The following IMPG2 variants were observed in gnomAD, a reference collection of about 807,000 sequenced individuals.
IMPG2 encodes the protein IPM 200.
In IMPG2, 91 loss-of-function variants were observed where a neutral mutation model predicts 129.2. The ratio of observed to expected loss-of-function variants is 0.70; its 90% CI spans 0.59 to 0.84. The LOEUF is 0.84. Ranked by LOEUF, IMPG2 falls within the 40% of genes least tolerant of loss-of-function variation. The pLI is 0.00. For synonymous variants in IMPG2, 510 were observed against 517.7 expected, an observed-to-expected ratio of 0.99 and a Z score of 0.20; for missense variants, 1,430 against 1,461.7, an observed-to-expected ratio of 0.98 and a Z score of 0.35.
chr3:101,300,200 T>C (rs1707125117), intron 3 of IMPG2, among the ~76,000 whole-genome samples: 6 of 152,208 alleles, frequency 3.9e-5, no homozygotes, highest in Admixed American at 3.9e-4. Flanking sequence ...ACAGCTAGTG[T>C]GTTGGACTGT....
intron 3 of IMPG2, among the ~76,000 whole-genome samples, chr3:101,300,594 G>A (rs1374566861): frequency 6.6e-6 from 1 of 152,230 alleles, no homozygotes; most frequent in African/African-American, 2.4e-5. Context: ...TTCCCAGGCT[G>A]GGTAGCAGGC....
chr3:101,296,363 C>T (rs554654499), intron 3 of IMPG2, among the ~76,000 whole-genome samples: 7 of 152,056 alleles, frequency 4.6e-5, no homozygotes, highest in Admixed American at 2.6e-4. Context: ...TGATGGATTA[C>T]GTTTATTGAT....
chr3:101,306,038 C>G (rs1005448828), intron 2 of IMPG2, among the ~76,000 whole-genome samples: 3 of 152,176 alleles, frequency 2.0e-5, no homozygotes, highest in African/African-American at 7.2e-5. Flanking sequence ...AGCCTCTGGA[C>G]TCCCACAGTC....
chr3:101,280,357 C>T (rs185923877), intron 4 of IMPG2, among the ~76,000 whole-genome samples: 1 of 152,232 alleles, frequency 6.6e-6, no homozygotes, highest in African/African-American at 2.4e-5. Context: ...TCACATGTGA[C>T]CACAAAAGAA....
intron 2 of IMPG2, among the ~76,000 whole-genome samples, chr3:101,308,083 A>G (rs1279226210): frequency 1.3e-5 from 2 of 152,226 alleles, no homozygotes; most frequent in South Asian, 2.1e-4. Flanking sequence ...GGACTCCCAC[A>G]GTCTTGGGCA....
At chr3:101,276,814 C>T (rs769811788) in intron 4 of IMPG2, 101 bp from the exon 5 acceptor site, 32 of 791,102 alleles carry the variant, frequency 4.0e-5, no homozygotes, top group Non-Finnish European at 6.2e-5. Flanking sequence ...ACTAGATCAC[C>T]AAGTAAGGGC....
intron 18 of IMPG2, 58 bp downstream of exon 18, chr3:101,228,739 C>T (rs943287016): frequency 1.5e-6 from 2 of 1,334,768 alleles, no homozygotes; most frequent in Non-Finnish European, 2.2e-6. Flanking sequence ...TGTGACATTA[C>T]TCTAGAGTAA....
intron 4 of IMPG2, among the ~76,000 whole-genome samples, chr3:101,277,783 T>C (rs1290692389): frequency 6.6e-6 from 1 of 152,226 alleles, no homozygotes; most frequent in African/African-American, 2.4e-5. Flanking sequence ...TATTTTCACA[T>C]ATCCCAAAGC....
chr3:101,278,823 A>G (rs1008934805), intron 4 of IMPG2, among the ~76,000 whole-genome samples: 5 of 152,218 alleles, frequency 3.3e-5, no homozygotes, highest in Admixed American at 6.5e-5. Context: ...GCACATTTGC[A>G]TAAAATTGCT....
chr3:101,265,180 A>C (rs747003373), intron 9 of IMPG2, among the ~76,000 whole-genome samples: 2 of 152,180 alleles, frequency 1.3e-5, no homozygotes, highest in African/African-American at 2.4e-5. Flanking sequence ...TTCTTCACAG[A>C]AATAGAAAAA....
rs1706427225 is a variant in IMPG2, at chr3:101,242,970, A to T, written c.2803-63T>A. 33 of 1,243,182 alleles carry T rather than the reference A, an allele frequency of 2.7e-5. No homozygotes were observed. In the South Asian group the frequency reaches 3.9e-4, roughly 15 times the overall value. 77.0% of individuals were successfully genotyped at this position (1,243,182 alleles called of 1,614,324 possible). ...GTCACATTTTGTTCAATACATACCC[A>T]AACAAAACAAAACAAAAACACAGGT... On this transcript the variant is annotated intron_variant, in intron 13 of 18. Coordinates refer to ENST00000193391, the MANE Select transcript of IMPG2 (RefSeq NM_016247.4).
chr3:101,231,088 A>G lies in IMPG2; in HGVS notation c.3291T>C (p.Ser1097=). The G allele has an allele frequency of 1.9e-6, 3 of 1,614,166 alleles. No homozygotes were observed. The highest frequency in any genetic ancestry group is 2.5e-6 in the Non-Finnish European group (3 of 1,180,002). The change falls in exon 16 of 19, where the codon TCT becomes TCC. Residue 1097 remains serine, a synonymous_variant. Transcript: ENST00000193391. ...TAGTGATGCCTATGATCACGGGCTCAGACACAAATTCCTCACAGTGCTTGC... is the reference window on the plus strand; with the variant it reads ...TAGTGATGCCTATGATCACGGGCTCGGACACAAATTCCTCACAGTGCTTGC... ...YRGKHCEEFV[S]EPVIIGITIA...
Position 101,257,598 on chromosome 3 carries a change from A to G in IMPG2, c.1084T>C (p.Leu362=), listed in dbSNP as rs1706624583. 1 of 1,613,296 alleles carries G rather than the reference A, an allele frequency of 6.2e-7. No individual in the cohort carries two copies. The highest frequency in any genetic ancestry group is 1.3e-5 in the African/African-American group (1 of 74,886). ...TTCCCCAGCAAAAAATTCTGCTGCA[A>G]TGTCTCAGCAATATAATCTCTGAAG... ...SNFRDYIAET[L]QQNFLLGNSS... Residue 362 remains leucine, a synonymous_variant, in exon 10 of 19, where the codon TTG becomes CTG. Coordinates refer to ENST00000193391, the MANE Select transcript of IMPG2 (RefSeq NM_016247.4).
chr3:101,275,759 C>T lies in IMPG2; in HGVS notation c.584-14G>A, dbSNP rs768155418. On this transcript the variant is annotated splice_polypyrimidine_tract_variant and intron_variant, in intron 5 of 18. Transcript: ENST00000193391. ...TGAGAGTAGTGTCTAAGAAGAAAAGCAAAAACATATGCATGAATTCAGTCC... is the reference window on the plus strand; with the variant it reads ...TGAGAGTAGTGTCTAAGAAGAAAAGTAAAAACATATGCATGAATTCAGTCC... The T allele has an allele frequency of 1.3e-6, 2 of 1,593,772 alleles. No individual in the cohort carries two copies. The highest frequency in any genetic ancestry group is 2.7e-5 in the African/African-American group (2 of 74,666).
At chr3:101,314,738 A>T (rs1429861755) in intron 2 of IMPG2, among the ~76,000 whole-genome samples, 1 of 152,194 alleles carries the variant, frequency 6.6e-6, no homozygotes, top group Non-Finnish European at 1.5e-5. Flanking sequence ...TAAATTAACA[A>T]ATGAATAAAT....
intron 11 of IMPG2, among the ~76,000 whole-genome samples, chr3:101,250,176 T>C (rs556726500): frequency 2.6e-5 from 4 of 152,310 alleles, no homozygotes; most frequent in Admixed American, 6.5e-5. Flanking sequence ...AGAGTGCTCC[T>C]ACATAACTTA....
intron 14 of IMPG2, among the ~76,000 whole-genome samples, chr3:101,239,078 G>A (rs565924174): frequency 2.6e-5 from 4 of 152,068 alleles, no homozygotes; most frequent in African/African-American, 7.2e-5. Flanking sequence ...AGCCAAAATC[G>A]ATAAATGGGA....
At chr3:101,261,913 C>G (rs746470650) in intron 9 of IMPG2, among the ~76,000 whole-genome samples, 1 of 152,066 alleles carries the variant, frequency 6.6e-6, no homozygotes, top group Non-Finnish European at 1.5e-5. Flanking sequence ...GTTAACTAAC[C>G]ACCACTGGAT....
At position 101,225,796 on chromosome 3, in the gene IMPG2, A is replaced by G. The variant is rs1706215156; in HGVS notation, c.*1173T>C. On this transcript the variant is annotated 3_prime_UTR_variant, in exon 19 of 19. Transcript: ENST00000193391. ...CCTCCTCCTCTCCCCCTCCAAAGCA[A>G]CCCATTCAAAAAAAACACTAGGGGG... 6.6e-6 allele frequency: 1 copy of G among 152,158 alleles called. No homozygotes were observed. The highest frequency in any genetic ancestry group is 1.9e-4 in the East Asian group (1 of 5,190). The allele number at this position is 152,158 out of a possible 1,614,324, so 9.4% of individuals were successfully genotyped here.
Sources: gnomAD v4.1 joint callset for allele counts (sites outside exome capture counted in the v4.1 genomes callset) on GRCh38, gnomAD v4.1.1 for gene constraint, MANE v1.5 for transcripts, NCBI Gene and HGNC (gene_info 2026-07-23, HGNC 2026-07-21) for gene names.